Variants in NEGR1 observed in about 807,000 individuals in gnomAD.
NEGR1 encodes IgLON family member 4.
NEGR1 carries 10 observed loss-of-function variants against 40.9 expected under a neutral mutation model. That is an observed-to-expected ratio of 0.24 (90% CI 0.15 to 0.42). The LOEUF is 0.42. NEGR1 is among the 10% of genes least tolerant of loss of function. The pLI is 1.00. For missense variants in NEGR1, 352 were observed against 438.9 expected, an observed-to-expected ratio of 0.80 and a Z score of 1.77; for synonymous variants, 185 against 166.8, an observed-to-expected ratio of 1.11 and a Z score of -0.84.
chr1:71,413,157 A>G (rs576475613), intron 6 of NEGR1, among the ~76,000 whole-genome samples: 1 of 152,316 alleles, frequency 6.6e-6, no homozygotes, highest in African/African-American at 2.4e-5. Flanking sequence ...GATTGGTAGT[A>G]TCTCAAAAGT....
At chr1:72,093,329 C>CAAAAAAAAAAAAAAAAAA (rs11370565) in intron 1 of NEGR1, among the ~76,000 whole-genome samples, 14 of 118,804 alleles carry the variant, frequency 1.2e-4, no homozygotes, top group African/African-American at 4.4e-4. Flanking sequence ...GACTCTGCCT[C>CAAAAAAAAAAAAAAAAAA]AAAAAAAAAA....
intron 1 of NEGR1, among the ~76,000 whole-genome samples, chr1:72,084,496 T>A (rs186855209): frequency 6.6e-6 from 1 of 152,338 alleles, no homozygotes; most frequent in Non-Finnish European, 1.5e-5. Context: ...CCAATCAAAA[T>A]ACATTATGTT....
intron 1 of NEGR1, among the ~76,000 whole-genome samples, chr1:72,005,566 T>G (rs975664440): frequency 6.6e-6 from 1 of 152,216 alleles, no homozygotes; most frequent in Non-Finnish European, 1.5e-5. Flanking sequence ...TTATTTGACA[T>G]TTGTAAAAGA....
intron 6 of NEGR1, among the ~76,000 whole-genome samples, chr1:71,529,512 G>A (rs1241529525): frequency 6.6e-6 from 1 of 151,110 alleles, no homozygotes; most frequent in Non-Finnish European, 1.5e-5. Context: ...GTTTGTTTTA[G>A]GCAGAGTAGA....
At chr1:72,073,612 A>G (rs1243145585) in intron 1 of NEGR1, among the ~76,000 whole-genome samples, 1 of 152,130 alleles carries the variant, frequency 6.6e-6, no homozygotes, top group African/African-American at 2.4e-5. Context: ...TATTGATTTC[A>G]TGTTCAATGC....
At chr1:71,527,853 T>C (rs918162959) in intron 6 of NEGR1, among the ~76,000 whole-genome samples, 7 of 151,450 alleles carry the variant, frequency 4.6e-5, no homozygotes, top group Non-Finnish European at 1.0e-4. Context: ...CTATTATCTA[T>C]AAATCACAAG....
intron 6 of NEGR1, among the ~76,000 whole-genome samples, chr1:71,556,145 A>G (rs1005367965): frequency 6.6e-6 from 1 of 151,556 alleles, no homozygotes; most frequent in African/African-American, 2.4e-5. Flanking sequence ...TTGAGGATGT[A>G]TTCTGAGTAC....
chr1:71,861,677 G>T (rs531620796), intron 2 of NEGR1, among the ~76,000 whole-genome samples: 1 of 151,982 alleles, frequency 6.6e-6, no homozygotes, highest in Non-Finnish European at 1.5e-5. Flanking sequence ...CTGATTATTC[G>T]CAAGCATAAA....
At chr1:71,999,833 C>T (rs1646542325) in intron 1 of NEGR1, among the ~76,000 whole-genome samples, 1 of 150,722 alleles carries the variant, frequency 6.6e-6, no homozygotes, top group African/African-American at 2.4e-5. Flanking sequence ...AGGTTTAGTA[C>T]TTTATTTACT....
chr1:71,580,641 G>T (rs1649105909), intron 6 of NEGR1, among the ~76,000 whole-genome samples: 1 of 151,966 alleles, frequency 6.6e-6, no homozygotes, highest in Admixed American at 6.6e-5. Flanking sequence ...AGAAATAATG[G>T]GGGGAGGGCA....
intron 4 of NEGR1, among the ~76,000 whole-genome samples, chr1:71,628,191 G>A (rs1650849689): frequency 1.3e-5 from 2 of 151,952 alleles, no homozygotes; most frequent in Non-Finnish European, 2.9e-5. Flanking sequence ...CGAGGTCAAG[G>A]ATAGATTAAA....
intron 1 of NEGR1, among the ~76,000 whole-genome samples, chr1:72,240,632 A>G (rs1407463200): frequency 6.6e-6 from 1 of 151,920 alleles, no homozygotes; most frequent in Non-Finnish European, 1.5e-5. Flanking sequence ...TGGACCAGTC[A>G]AGAGCAATGA....
At chr1:72,088,444 T>C (rs774706597) in intron 1 of NEGR1, among the ~76,000 whole-genome samples, 2 of 152,180 alleles carry the variant, frequency 1.3e-5, no homozygotes, top group African/African-American at 4.8e-5. Flanking sequence ...GGTGCTCATA[T>C]GGTGCATTTC....
intron 4 of NEGR1, among the ~76,000 whole-genome samples, chr1:71,673,793 T>G (rs1004326526): frequency 2.2e-4 from 7 of 32,184 alleles, no homozygotes; most frequent in Admixed American, 5.3e-4. Flanking sequence ...TTATTTCCAT[T>G]AATGATATTT....
At chr1:71,691,924 C>T (rs1171400885) in intron 4 of NEGR1, among the ~76,000 whole-genome samples, 3 of 150,526 alleles carry the variant, frequency 2.0e-5, no homozygotes, top group Non-Finnish European at 4.4e-5. Context: ...ATCCTTTAAA[C>T]TCCATCAGGG....
chr1:71,771,424 G>T (rs1656317936), intron 3 of NEGR1, among the ~76,000 whole-genome samples: 1 of 151,968 alleles, frequency 6.6e-6, no homozygotes, highest in Non-Finnish European at 1.5e-5. Flanking sequence ...TTCTGCACAC[G>T]TACCCCAGAA....
intron 2 of NEGR1, among the ~76,000 whole-genome samples, chr1:71,812,260 G>T (rs1464743163): frequency 1.3e-5 from 2 of 152,058 alleles, no homozygotes. Context: ...GTATTCCATG[G>T]TATATATGTA....
chr1:71,684,192 C>G (rs1278839277), intron 4 of NEGR1, among the ~76,000 whole-genome samples: 1 of 152,030 alleles, frequency 6.6e-6, no homozygotes, highest in Non-Finnish European at 1.5e-5. Context: ...ATGACGTGAA[C>G]CCGGGAGGGC....
At chr1:71,609,666 T>C (rs1365060000) in intron 5 of NEGR1, among the ~76,000 whole-genome samples, 1 of 151,890 alleles carries the variant, frequency 6.6e-6, no homozygotes, top group African/African-American at 2.4e-5. Context: ...AAATACCTGC[T>C]TGCATCACAT....
Sources: allele counts gnomAD v4.1 joint callset (sites outside exome capture counted in the v4.1 genomes callset), GRCh38; gene constraint gnomAD v4.1.1; transcripts MANE v1.5; gene names NCBI Gene and HGNC (gene_info 2026-07-23, HGNC 2026-07-21).